Variants in INTS7 observed in about 807,000 individuals in gnomAD.
The protein encoded by INTS7 is chromosome 1 open reading frame 73.
A neutral mutation model predicts 109.2 loss-of-function variants in INTS7; 46 were observed. The observed-to-expected ratio is 0.42, with a 90% CI of 0.33 to 0.54. The LOEUF (loss-of-function observed/expected upper bound fraction) is 0.54, where lower values mean the gene tolerates loss of function less well. Ranked by LOEUF, INTS7 falls within the 20% of genes least tolerant of loss-of-function variation. The pLI, the probability that INTS7 is intolerant of heterozygous loss-of-function variation, is 0.07. For missense variants in INTS7, 929 were observed against 1,132.4 expected (o/e 0.82, Z 2.58); for synonymous variants, 412 against 402.9 (o/e 1.02, Z -0.27).
chr1:211,964,324 CACAA>C (rs1346331555), intron 16 of INTS7, among the ~76,000 whole-genome samples: 1 of 152,078 alleles, frequency 6.6e-6, no homozygotes, highest in Non-Finnish European at 1.5e-5. Context: ...TCAAAGATAA[CACAA>C]ACAAACGGAA....
intron 19 of INTS7, 113 bp downstream of exon 19, chr1:211,944,671 G>C (rs1486321755): frequency 1.2e-6 from 1 of 823,796 alleles, no homozygotes; most frequent in Non-Finnish European, 2.0e-6. Context: ...ATGTCCATCT[G>C]ATCCCTTTGG....
rs187419607 is a variant in INTS7, at chr1:211,987,628, A to G, written c.997+258T>C. ...CCAACTATTTTAAGCATCCTCAAAA[A>G]TATTTTCACCCACATATAATTCAAA... On this transcript the variant is annotated intron_variant, in intron 8 of 19. Transcript: ENST00000366994. Among the ~76,000 whole-genome samples the G allele has an allele frequency of 4.0e-3, 614 of 152,316 alleles. 13 individuals carry two copies. Among genetic ancestry groups the G allele is most frequent in the Admixed American group, 0.035 (537 of 15,300 alleles).
intron 13 of INTS7, among the ~76,000 whole-genome samples, chr1:211,969,551 C>CTTT (rs36104773): frequency 3.4e-4 from 29 of 85,004 alleles, no homozygotes; most frequent in Admixed American, 5.6e-4. Flanking sequence ...TTTTTCTTTT[C>CTTT]TTTTTTTTTT....
chr1:211,984,038 A>T (rs1339561701), intron 8 of INTS7, among the ~76,000 whole-genome samples: 2 of 149,974 alleles, frequency 1.3e-5, no homozygotes, highest in Non-Finnish European at 3.0e-5. Context: ...TAATTTTGTT[A>T]TTTTTTTTTG....
chr1:211,990,583 C>G (rs143711151), intron 7 of INTS7, among the ~76,000 whole-genome samples: 9 of 152,164 alleles, frequency 5.9e-5, no homozygotes, highest in African/African-American at 2.2e-4. Context: ...AAAGAAAAAC[C>G]TAGTTAACAA....
chr1:211,979,039 C>T (rs1187586729), intron 10 of INTS7, among the ~76,000 whole-genome samples: 1 of 152,172 alleles, frequency 6.6e-6, no homozygotes, highest in Admixed American at 6.5e-5. Flanking sequence ...TCTCTTATTT[C>T]TCAACTGAAA....
Position 212,006,740 on chromosome 1 carries a change from A to T in INTS7, c.778T>A (p.Leu260Met). The change falls in exon 7 of 20, where the codon TTG becomes ATG. Residue 260 changes from leucine (L) to methionine (M), a missense_variant. By Grantham distance (15) the Leu-to-Met change is conservative. This residue lies in a region of INTS7 where 787 missense variants were observed against 901.1 expected (regional missense o/e 0.87). Coordinates refer to ENST00000366994, the MANE Select transcript of INTS7 (RefSeq NM_015434.4). ...PKQIQLLLQY[L>M]KNDPRKAVKR... ...ACTGCCTTCCTGGGATCATTCTTCAAATACTGCAACAGAAGCTGAATCTAT... is the reference window on the plus strand; with the variant it reads ...ACTGCCTTCCTGGGATCATTCTTCATATACTGCAACAGAAGCTGAATCTAT... 1.9e-6 allele frequency: 3 copies of T among 1,604,582 alleles called. No homozygotes were observed. The highest frequency in any genetic ancestry group is 2.6e-6 in the Non-Finnish European group (3 of 1,174,186).
chr1:211,959,788 C>T lies in INTS7; in HGVS notation c.2183+6642G>A, dbSNP rs1352761925. ...GAGGGCACACACAGTTCTGTGTCTG[C>T]CAGCGCCACGCCCCTATGCTTATAC... On this transcript the variant is annotated intron_variant, in intron 16 of 19. Transcript: ENST00000366994. This position sits in a 1 kb window ranked among gnomAD's most constrained non-coding sequence, Gnocchi z 4.2. 6.6e-6 allele frequency among the ~76,000 whole-genome samples: 1 copy of T among 152,190 alleles called. No homozygotes were observed. Among genetic ancestry groups the T allele is most frequent in the Non-Finnish European group, 1.5e-5 (1 of 68,032 alleles).
chr1:211,996,705 G>T (rs1665406749), intron 7 of INTS7, among the ~76,000 whole-genome samples: 1 of 152,260 alleles, frequency 6.6e-6, no homozygotes, highest in South Asian at 2.1e-4. Flanking sequence ...AACAAAATAT[G>T]TGCAAGATTT....
intron 4 of INTS7, among the ~76,000 whole-genome samples, chr1:212,016,358 C>T (rs1483017175): frequency 6.6e-6 from 1 of 152,178 alleles, no homozygotes; most frequent in African/African-American, 2.4e-5. Context: ...AGAAGCCAAT[C>T]AAACATAGTA....
intron 4 of INTS7, among the ~76,000 whole-genome samples, chr1:212,011,931 AT>A (rs1456667311): frequency 6.6e-6 from 1 of 152,252 alleles, no homozygotes; most frequent in Non-Finnish European, 1.5e-5. Context: ...TATTTTTAAA[AT>A]TCTTTTTAAA....
At position 212,002,429 on chromosome 1, in the gene INTS7, A is replaced by G. The variant is rs143047627; in HGVS notation, c.879+4210T>C. Among the ~76,000 whole-genome samples, 16 of 152,322 alleles carry G rather than the reference A, an allele frequency of 1.1e-4. No homozygotes were observed. In the East Asian group the frequency reaches 2.9e-3, roughly 28 times the overall value. On this transcript the variant is annotated intron_variant, in intron 7 of 19. Transcript: ENST00000366994. ...GAATCTTCCAGAGGCAATCTATCTCATGTAGAGTAAAAAGCTAAAGTCCTT... is the reference window on the plus strand; with the variant it reads ...GAATCTTCCAGAGGCAATCTATCTCGTGTAGAGTAAAAAGCTAAAGTCCTT...
chr1:211,989,184 G>A (rs1232292266), intron 7 of INTS7, among the ~76,000 whole-genome samples: 2 of 152,086 alleles, frequency 1.3e-5, no homozygotes, highest in Non-Finnish European at 2.9e-5. Flanking sequence ...ACTGCAGGAT[G>A]ATTTAGATTA....
chr1:212,028,395 ATAG>A, intron 1 of INTS7, among the ~76,000 whole-genome samples: 1 of 152,244 alleles, frequency 6.6e-6, no homozygotes, highest in East Asian at 1.9e-4. Flanking sequence ...CCAAAGAAAC[ATAG>A]TAGTACTGCA....
intron 17 of INTS7, among the ~76,000 whole-genome samples, chr1:211,952,094 G>A (rs1243853698): frequency 3.9e-5 from 6 of 152,282 alleles, no homozygotes; most frequent in Admixed American, 3.3e-4. Context: ...TGTTTCAATT[G>A]TCCAGTGGTT....
chr1:211,952,322 C>A, intron 17 of INTS7: 1 of 327,810 alleles, frequency 3.1e-6, no homozygotes, highest in East Asian at 5.2e-5. Context: ...ATTTTATTTG[C>A]ATTCTGGTAG....
intron 14 of INTS7, 71 bp downstream of exon 14, chr1:211,968,442 C>T (rs150857619): frequency 1.6e-5 from 21 of 1,311,496 alleles, no homozygotes; most frequent in Admixed American, 2.2e-5. Context: ...TTATATTTTA[C>T]AACTTTTCAT....
intron 16 of INTS7, among the ~76,000 whole-genome samples, chr1:211,963,686 C>A (rs1343964819): frequency 1.3e-5 from 2 of 152,094 alleles, no homozygotes; most frequent in African/African-American, 4.8e-5. Flanking sequence ...TTCAACACAT[C>A]CAAATCAATA....
At chr1:212,020,334 A>T (rs1449658605) in intron 2 of INTS7, 66 bp from the exon 3 acceptor site, 2 of 916,414 alleles carry the variant, frequency 2.2e-6, no homozygotes, top group Non-Finnish European at 3.3e-6. Flanking sequence ...CCAAAGCAAC[A>T]CTAATAATAT....
Sources: gnomAD v4.1 joint callset for allele counts (sites outside exome capture counted in the v4.1 genomes callset) on GRCh38, gnomAD v4.1.1 for gene constraint, gnomAD v4.1.1 regional missense constraint, Gnocchi (gnomAD v3.1) non-coding constraint, MANE v1.5 for transcripts, NCBI Gene and HGNC (gene_info 2026-07-23, HGNC 2026-07-21) for gene names.